The following EXT1 variants were observed in gnomAD, a reference collection of about 807,000 sequenced individuals.
EXT1 encodes the protein exostosin glycosyltransferase 1, also known as exostosin-1.
EXT1 carries 20 observed loss-of-function variants against 82.5 expected under a neutral mutation model. The ratio of observed to expected loss-of-function variants is 0.24; its 90% CI spans 0.17 to 0.35. The LOEUF (loss-of-function observed/expected upper bound fraction) is 0.35. Ranked by LOEUF, EXT1 falls within the 10% of genes least tolerant of loss-of-function variation. EXT1 has a pLI of 1.00. For synonymous variants in EXT1, 348 were observed against 350.8 expected (o/e 0.99, Z 0.09); for missense variants, 757 against 936.5 (o/e 0.81, Z 2.50).
intron 1 of EXT1, among the ~76,000 whole-genome samples, chr8:117,884,721 C>A (rs1813118229): frequency 1.3e-5 from 2 of 152,116 alleles, no homozygotes; most frequent in Admixed American, 1.3e-4. Flanking sequence ...AAATATTCAC[C>A]TGCTGTGCTG....
At chr8:117,964,401 G>C (rs1394434624) in intron 1 of EXT1, among the ~76,000 whole-genome samples, 1 of 152,170 alleles carries the variant, frequency 6.6e-6, no homozygotes. Flanking sequence ...ATTTGTTGGT[G>C]GTAGCAGTGA....
rs776569415 is a variant in EXT1, at chr8:117,812,850, C to T, written c.1722+22G>A. ...GACTGCCTGAACAGCCCACCTGCTG[C>T]TCCTCAGGCATGGGTTCTTACCTCT... is the stretch of plus-strand genomic sequence containing the variant. On this transcript the variant is annotated intron_variant, in intron 8 of 10. Coordinates refer to ENST00000378204, the MANE Select transcript of EXT1 (RefSeq NM_000127.3). 1.2e-5 allele frequency: 19 copies of T among 1,608,946 alleles called. 1 individual carries two copies. The South Asian group carries it at 1.5e-4, about 13-fold the overall frequency.
intron 1 of EXT1, among the ~76,000 whole-genome samples, chr8:117,894,918 G>A (rs796953357): frequency 5.3e-5 from 8 of 152,330 alleles, no homozygotes; most frequent in African/African-American, 1.9e-4. Flanking sequence ...AAGTGATAAA[G>A]GAGCTAAAAA....
intron 1 of EXT1, among the ~76,000 whole-genome samples, chr8:117,934,256 G>GAA (rs372535933): frequency 8.2e-5 from 12 of 146,940 alleles, no homozygotes; most frequent in African/African-American, 2.2e-4. Context: ...AGTATTAAAT[G>GAA]AAAAAAAAAA....
chr8:118,030,121 C>G lies in EXT1; in HGVS notation c.962+79964G>C, dbSNP rs1421876302. 3.0e-4 allele frequency among the ~76,000 whole-genome samples: 46 copies of G among 152,116 alleles called. 1 individual carries two copies. The highest frequency in any genetic ancestry group is 3.0e-3 in the Admixed American group (46 of 15,276). On this transcript the variant is annotated intron_variant, in intron 1 of 10. Transcript: ENST00000378204. ...TAGATTTAAAACCGTGCTTTTCTCT[C>G]TGAGGCTCTACAAACATCTCCCTCT...
chr8:117,804,561 C>T (rs1056237126), intron 10 of EXT1, among the ~76,000 whole-genome samples, 161 bp downstream of exon 10: 5 of 152,202 alleles, frequency 3.3e-5, no homozygotes, highest in Non-Finnish European at 7.3e-5. Flanking sequence ...ATTATCCCTG[C>T]ACCAATCATA....
rs1055994330 is a variant in EXT1 at position 117,794,653 on chromosome 8, T to C, written c.*5059A>G. On this transcript the variant is annotated 3_prime_UTR_variant, in exon 11 of 11. Coordinates refer to ENST00000378204, the MANE Select transcript of EXT1 (RefSeq NM_000127.3). ...AAGTAAATCAATATCTATGGCTTTG[T>C]ATTTTCTCACACGCGCTCTCTCACA... 1 of 152,204 alleles carries C rather than the reference T, an allele frequency of 6.6e-6. No individual in the cohort carries two copies. The highest frequency in any genetic ancestry group is 1.5e-5 in the Non-Finnish European group (1 of 68,034). 9.4% of individuals were successfully genotyped at this position (152,204 alleles called of 1,614,324 possible).
At chr8:117,930,711 G>C (rs975249759) in intron 1 of EXT1, among the ~76,000 whole-genome samples, 1 of 152,212 alleles carries the variant, frequency 6.6e-6, no homozygotes, top group African/African-American at 2.4e-5. Context: ...CTTGAGTAGG[G>C]GCTGGGTAAA....
chr8:117,978,743 C>A (rs1815120766), intron 1 of EXT1, among the ~76,000 whole-genome samples: 1 of 152,180 alleles, frequency 6.6e-6, no homozygotes, highest in African/African-American at 2.4e-5. Context: ...AACATAGACT[C>A]CACAAAGGCT....
rs779357756 is a variant in EXT1, at chr8:117,818,451, A to G, written c.1616T>C (p.Ile539Thr). The change falls in exon 7 of 11, where the codon ATT becomes ACT. Residue 539 changes from isoleucine to threonine, a missense_variant. By Grantham distance (89) the Ile-to-Thr change is moderately conservative (BLOSUM62 -1). Transcript: ENST00000378204. ...WPATAVPVVV[I>T]EGESKVMSSR... Reference sequence around the variant, plus strand: ...GAGTCTTACCTTGCTCTCTCCTTCAATGACGACGACAGGCACAGCAGTGGC... The same window carrying G: ...GAGTCTTACCTTGCTCTCTCCTTCAGTGACGACGACAGGCACAGCAGTGGC... 1.1e-5 allele frequency: 18 copies of G among 1,614,130 alleles called. No homozygotes were observed. The highest frequency in any genetic ancestry group is 2.2e-5 in the East Asian group (1 of 44,884).
chr8:117,874,627 T>C (rs908115575), intron 1 of EXT1, among the ~76,000 whole-genome samples: 19 of 150,904 alleles, frequency 1.3e-4, no homozygotes, highest in Admixed American at 1.3e-4. Context: ...CCTGGGTAAT[T>C]TGATAGATGA....
intron 1 of EXT1, among the ~76,000 whole-genome samples, chr8:117,945,638 ATT>A (rs1814372961): frequency 6.6e-6 from 1 of 151,862 alleles, no homozygotes; most frequent in Non-Finnish European, 1.5e-5. Context: ...AGTAGCTGAG[ATT>A]ATAGGCGCCC....
intron 8 of EXT1, among the ~76,000 whole-genome samples, chr8:117,809,903 C>T (rs1734113327): frequency 6.6e-6 from 1 of 152,202 alleles, no homozygotes; most frequent in Admixed American, 6.5e-5. Flanking sequence ...TTCTATCATT[C>T]TTTGAAAAGG....
chr8:117,856,802 T>A (rs1812570389), intron 1 of EXT1, among the ~76,000 whole-genome samples: 1 of 152,102 alleles, frequency 6.6e-6, no homozygotes, highest in African/African-American at 2.4e-5. Context: ...AGCCTTAGAT[T>A]GGAAGAAGAT....
rs10706033 is a variant in EXT1 at position 118,087,939 on chromosome 8, CAAAAAAAAAAAA to C, written c.962+22134_962+22145del. Among the ~76,000 whole-genome samples, 7 of 83,926 alleles carry C rather than the reference CAAAAAAAAAAAA, an allele frequency of 8.3e-5. No individual in the cohort carries two copies. In the South Asian group the frequency reaches 2.0e-3, roughly 24 times the overall value. The allele number at this position is 83,926 out of a possible 152,430, so 55.1% of individuals were successfully genotyped here. Reference sequence around the variant, plus strand: ...CCTATTTGTTTTATTCGTTTCAGGGCAAAAAAAAAAAAAAAAAAAAATCCTACAAGTGCCTCT... The same window carrying C: ...CCTATTTGTTTTATTCGTTTCAGGGCAAAAAAAAATCCTACAAGTGCCTCT... On this transcript the variant is annotated intron_variant, in intron 1 of 10. Transcript: ENST00000378204.
At chr8:117,808,861 G>C (rs544382055) in intron 8 of EXT1, among the ~76,000 whole-genome samples, 1 of 152,292 alleles carries the variant, frequency 6.6e-6, no homozygotes, top group East Asian at 1.9e-4. Context: ...GCCCTCGCCA[G>C]TGCAGATGGG....
chr8:118,053,397 CAA>C (rs1563641526), intron 1 of EXT1, among the ~76,000 whole-genome samples: 1 of 152,080 alleles, frequency 6.6e-6, no homozygotes, highest in Non-Finnish European at 1.5e-5. Flanking sequence ...CTGCTCTGTT[CAA>C]AAAGACTTCA....
rs1041971221 is a variant in EXT1, at chr8:117,991,339, C to T, written c.962+118746G>A. 1.1e-4 allele frequency among the ~76,000 whole-genome samples: 17 copies of T among 152,090 alleles called. 1 individual carries two copies. Among genetic ancestry groups the T allele is most frequent in the East Asian group, 3.9e-4 (2 of 5,172 alleles). On this transcript the variant is annotated intron_variant, in intron 1 of 10. Transcript: ENST00000378204. ...TGTCTGCAAGCAGTTGTGGTTTTCCCGACCAGCTTGCTGCCACTGAGCCAG... is the reference window on the plus strand; with the variant it reads ...TGTCTGCAAGCAGTTGTGGTTTTCCTGACCAGCTTGCTGCCACTGAGCCAG...
intron 1 of EXT1, among the ~76,000 whole-genome samples, chr8:118,024,091 G>A (rs767730988): frequency 6.6e-6 from 1 of 152,116 alleles, no homozygotes; most frequent in Non-Finnish European, 1.5e-5. Flanking sequence ...ATTAAGCCAT[G>A]AAAATGTGGG....
Sources: allele counts gnomAD v4.1 joint callset (sites outside exome capture counted in the v4.1 genomes callset), GRCh38; gene constraint gnomAD v4.1.1; transcripts MANE v1.5; gene names NCBI Gene and HGNC (gene_info 2026-07-23, HGNC 2026-07-21).